BABAM2: variants seen among roughly 807,000 people sequenced by gnomAD.
BABAM2 encodes the protein BRISC and BRCA1-A complex member 2.
BABAM2 carries 31 observed loss-of-function variants against 54.7 expected under a neutral mutation model. That is an observed-to-expected ratio of 0.57 (90% CI 0.43 to 0.77). BABAM2 has a LOEUF of 0.77. Among genes scored for constraint, BABAM2 ranks in the 30% least tolerant of loss-of-function variants. The probability of loss-of-function intolerance (pLI) is 0.00; values close to 1 mark genes in which losing one functional copy is unlikely to be tolerated. For missense variants in BABAM2, 364 were observed against 455.8 expected (o/e 0.80, Z 1.83); for synonymous variants, 167 against 162.9 (o/e 1.03, Z -0.19).
intron 11 of BABAM2, among the ~76,000 whole-genome samples, chr2:28,326,386 C>T (rs1690459489): frequency 6.6e-6 from 1 of 152,176 alleles, no homozygotes; most frequent in South Asian, 2.1e-4. Flanking sequence ...CATCTGGGCA[C>T]ACCAGGCAGG....
intron 11 of BABAM2, among the ~76,000 whole-genome samples, chr2:28,313,655 T>C (rs1689268639): frequency 6.6e-6 from 1 of 152,194 alleles, no homozygotes. Flanking sequence ...AGTGGTTTCC[T>C]AGTTGATCCA....
At chr2:28,081,297 A>T (rs1423961198) in intron 6 of BABAM2, among the ~76,000 whole-genome samples, 1 of 152,130 alleles carries the variant, frequency 6.6e-6, no homozygotes, top group Non-Finnish European at 1.5e-5. Flanking sequence ...GGCAAGTAGG[A>T]GCTGCTTCTT....
At chr2:27,989,876 A>C (rs1672659318) in intron 4 of BABAM2, among the ~76,000 whole-genome samples, 1 of 152,182 alleles carries the variant, frequency 6.6e-6, no homozygotes, top group African/African-American at 2.4e-5. Flanking sequence ...GTAGAATTTA[A>C]ATGCTAGAAA....
At chr2:28,013,581 A>G (rs1674562162) in intron 4 of BABAM2, among the ~76,000 whole-genome samples, 1 of 151,178 alleles carries the variant, frequency 6.6e-6, no homozygotes, top group African/African-American at 2.4e-5. Flanking sequence ...TTGACATGAG[A>G]ATCAGGATCA....
chr2:27,973,140 A>G (rs944450500), intron 3 of BABAM2, among the ~76,000 whole-genome samples: 5 of 152,100 alleles, frequency 3.3e-5, no homozygotes, highest in Non-Finnish European at 4.4e-5. Flanking sequence ...CTCATTGGTT[A>G]TAATTTAAAA....
chr2:28,130,635 G>A (rs902493693), intron 7 of BABAM2, among the ~76,000 whole-genome samples: 13 of 151,884 alleles, frequency 8.6e-5, no homozygotes, highest in African/African-American at 3.1e-4. Flanking sequence ...TTTTATTTTT[G>A]TAGAGACCGG....
rs1409841077 is a variant in BABAM2 at position 27,995,791 on chromosome 2, AG to A, written c.300+7706del. Among the ~76,000 whole-genome samples, 1 of 152,170 alleles carries A rather than the reference AG, an allele frequency of 6.6e-6. No individual in the cohort carries two copies. Among genetic ancestry groups the A allele is most frequent in the Non-Finnish European group, 1.5e-5 (1 of 68,032 alleles). On this transcript the variant is annotated intron_variant, in intron 4 of 11. Coordinates refer to ENST00000379624, the MANE Select transcript of BABAM2 (RefSeq NM_199191.3). The surrounding 1 kb of genome is among the most constrained non-coding windows in gnomAD (Gnocchi z 4.1). ...GAGATGGGGTTTCACCATGTTAGCC[AG>A]GATGGTCTCCATCTCCTGACCTCAT...
intron 6 of BABAM2, among the ~76,000 whole-genome samples, chr2:28,081,651 G>C (rs989427413): frequency 1.8e-4 from 27 of 152,208 alleles, no homozygotes; most frequent in African/African-American, 6.3e-4. Flanking sequence ...TTAATGCTAC[G>C]CTACTCCCAC....
At chr2:28,283,741 G>C (rs987319241) in intron 10 of BABAM2, among the ~76,000 whole-genome samples, 10 of 152,160 alleles carry the variant, frequency 6.6e-5, no homozygotes, top group Non-Finnish European at 1.5e-4. Context: ...TGGCGTGTCT[G>C]ATTAGGCCTT....
intron 6 of BABAM2, among the ~76,000 whole-genome samples, chr2:28,113,353 A>G (rs1573607066): frequency 6.6e-6 from 1 of 152,102 alleles, no homozygotes. Context: ...GAAGGGTTCA[A>G]TTTCAGTTTT....
Position 28,007,018 on chromosome 2 carries a change from G to C in BABAM2, c.301-18208G>C, listed in dbSNP as rs75883823. Among the ~76,000 whole-genome samples, 281 of 151,932 alleles carry C rather than the reference G, an allele frequency of 1.8e-3. 4 individuals carry two copies. Among genetic ancestry groups the C allele is most frequent in the Admixed American group, 0.011 (170 of 15,260 alleles). ...AAATAAAATACCCCTTCCACTAAAA[G>C]TAGAACATAATTTGATCTTTTTTTT... On this transcript the variant is annotated intron_variant, in intron 4 of 11. Coordinates refer to ENST00000379624, the MANE Select transcript of BABAM2 (RefSeq NM_199191.3).
chr2:28,240,691 G>A (rs1362508900), intron 8 of BABAM2, among the ~76,000 whole-genome samples: 7 of 151,906 alleles, frequency 4.6e-5, no homozygotes, highest in Non-Finnish European at 5.9e-5. Context: ...CCAACATGGT[G>A]AAACCTCGTC....
chr2:28,005,602 C>CT (rs1250784959), intron 4 of BABAM2, among the ~76,000 whole-genome samples: 1 of 152,108 alleles, frequency 6.6e-6, no homozygotes, highest in Non-Finnish European at 1.5e-5. Context: ...TGCATACCTT[C>CT]TTTAACTTTT....
At chr2:28,142,227 G>C (rs1049398943) in intron 7 of BABAM2, among the ~76,000 whole-genome samples, 2 of 152,106 alleles carry the variant, frequency 1.3e-5, no homozygotes, top group African/African-American at 4.8e-5. Flanking sequence ...CAGACACGCT[G>C]TCTTTCATTA....
intron 6 of BABAM2, among the ~76,000 whole-genome samples, chr2:28,116,696 A>G (rs1232004156): frequency 6.6e-6 from 1 of 152,240 alleles, no homozygotes; most frequent in African/African-American, 2.4e-5. Flanking sequence ...GGTTTTGAAA[A>G]GGATATCAGA....
chr2:27,951,386 A>C (rs1003864091), intron 3 of BABAM2, among the ~76,000 whole-genome samples: 6 of 151,804 alleles, frequency 4.0e-5, no homozygotes, highest in African/African-American at 1.4e-4. Context: ...ATTTTTTTTG[A>C]CCTATGAGTT....
intron 6 of BABAM2, among the ~76,000 whole-genome samples, chr2:28,059,563 T>C (rs1364927590): frequency 3.9e-5 from 6 of 152,212 alleles, no homozygotes; most frequent in African/African-American, 1.4e-4. Context: ...ACTGATAGTG[T>C]TGGCATTCTT....
At chr2:27,895,360 G>A (rs796405430) in intron 2 of BABAM2, among the ~76,000 whole-genome samples, 24 of 152,044 alleles carry the variant, frequency 1.6e-4, no homozygotes, top group African/African-American at 5.3e-4. Context: ...ATTTTTCTTT[G>A]CCTATCATGA....
Position 28,289,075 on chromosome 2 carries a change from C to T in BABAM2, c.935-9263C>T, listed in dbSNP as rs554775385. ...CTGTTTATACACACGCGCACACACA[C>T]ACACACACGATTATGTAAAACATAT... On this transcript the variant is annotated intron_variant, in intron 10 of 11. Transcript: ENST00000379624. 5.3e-4 allele frequency among the ~76,000 whole-genome samples: 81 copies of T among 151,892 alleles called. 1 individual carries two copies. Among genetic ancestry groups the T allele is most frequent in the African/African-American group, 1.8e-3 (75 of 41,392 alleles).
Sources: gnomAD v4.1 joint callset for allele counts (sites outside exome capture counted in the v4.1 genomes callset) on GRCh38, gnomAD v4.1.1 for gene constraint, Gnocchi (gnomAD v3.1) non-coding constraint, MANE v1.5 for transcripts, NCBI Gene and HGNC (gene_info 2026-07-23, HGNC 2026-07-21) for gene names.